The following UBN1 variants were observed in gnomAD, a reference collection of about 807,000 sequenced individuals.
UBN1 encodes the protein ubinuclein 1.
In UBN1, 17 loss-of-function variants were observed where a neutral mutation model predicts 108.5. That is an observed-to-expected ratio of 0.16 (90% confidence interval 0.11 to 0.24). The LOEUF (loss-of-function observed/expected upper bound fraction) is 0.24, where lower values mean the gene tolerates loss of function less well. Ranked by LOEUF, UBN1 falls within the 10% of genes least tolerant of loss-of-function variation. The pLI is 1.00. For synonymous variants in UBN1, 726 were observed against 564.2 expected (o/e 1.29, Z -4.07); for missense variants, 1,595 against 1,394.4 (o/e 1.14, Z -2.29).
chr16:4,878,181 G>C (rs780716592), intron 17 of UBN1, among the ~76,000 whole-genome samples: 8 of 152,136 alleles, frequency 5.3e-5, no homozygotes, highest in Admixed American at 1.3e-4. Flanking sequence ...CATTGAGTGC[G>C]TCTGCCTCAC....
rs2088074127 is a variant in UBN1, at chr16:4,881,476, T to C, written c.*1344T>C. 1.3e-5 allele frequency: 2 copies of C among 152,228 alleles called. No homozygotes were observed. Among genetic ancestry groups the C allele is most frequent in the Non-Finnish European group, 2.9e-5 (2 of 68,052 alleles). 9.4% of individuals were successfully genotyped at this position (152,228 alleles called of 1,614,324 possible). On this transcript the variant is annotated 3_prime_UTR_variant, in exon 18 of 18. Transcript: ENST00000262376. ...TGCCACAAGGTGAGTCTGAACTGAC[T>C]GCTCCAGCTAAGTGATCAGGCACGT...
At chr16:4,871,325 G>A (rs748592207) in intron 12 of UBN1, 24 bp downstream of exon 12, 2 of 1,610,512 alleles carry the variant, frequency 1.2e-6, no homozygotes, top group Non-Finnish European at 1.7e-6. Context: ...GCTGAGATGG[G>A]CATCTGTGCA....
At chr16:4,857,903 G>T in intron 2 of UBN1, 87 bp from the exon 3 acceptor site, 3 of 909,094 alleles carry the variant, frequency 3.3e-6, no homozygotes, top group Non-Finnish European at 3.5e-6. Context: ...TGTTTTTATA[G>T]AGGTATTGAG....
chr16:4,851,867 C>A (rs970227882), intron 1 of UBN1, among the ~76,000 whole-genome samples: 1 of 152,008 alleles, frequency 6.6e-6, no homozygotes, highest in African/African-American at 2.4e-5. Context: ...ATACCTCACT[C>A]TAAGCAACAC....
In UBN1 at chr16:4,847,606, G is replaced by A. The variant is rs2086258141; in HGVS notation, c.-644G>A. The A allele has an allele frequency of 3.1e-6, 1 of 327,230 alleles. No individual in the cohort carries two copies. The highest frequency in any genetic ancestry group is 5.6e-6 in the Non-Finnish European group (1 of 178,814). 20.3% of individuals were successfully genotyped at this position (327,230 alleles called of 1,614,324 possible). A position where few individuals can be genotyped will look rare whatever the true frequency, so the allele number is the denominator to read the frequency against. ...GCCTCGCGGCTCGCCCCGCCCCCGGGTCTTGGACTCCGCGCCCCTCCCCTC... is the reference window on the plus strand; with the variant it reads ...GCCTCGCGGCTCGCCCCGCCCCCGGATCTTGGACTCCGCGCCCCTCCCCTC... On this transcript the variant is annotated 5_prime_UTR_variant, in exon 1 of 18. Coordinates refer to ENST00000262376, the MANE Select transcript of UBN1 (RefSeq NM_001079514.3).
At chr16:4,853,270 G>T in intron 2 of UBN1, 104 bp downstream of exon 2, 1 of 1,470,798 alleles carries the variant, frequency 6.8e-7, no homozygotes, top group Non-Finnish European at 9.1e-7. Context: ...CTGAGGTTTT[G>T]GCTGCCCCAA....
intron 5 of UBN1, 57 bp from the exon 6 acceptor site, chr16:4,859,808 T>C: frequency 6.2e-7 from 1 of 1,609,302 alleles, no homozygotes; most frequent in Non-Finnish European, 8.5e-7. Context: ...TGCCGTGTAG[T>C]GCACTTGCTC....
At position 4,860,951 on chromosome 16, in the gene UBN1, TCAGTGA is replaced by T. The variant is rs1244047304; in HGVS notation, c.960_965del (p.Glu322_Ser323del). 5 of 1,614,238 alleles carry T rather than the reference TCAGTGA, an allele frequency of 3.1e-6. No homozygotes were observed. The highest frequency in any genetic ancestry group is 1.6e-4 in the Middle Eastern group (1 of 6,062). Reference sequence around the variant, plus strand: ...ACGGATTTGGACTTGGAGCATCTGCTCAGTGAGTCTCCAGAAGGAAGTCCCTTCCGA... The same window carrying T: ...ACGGATTTGGACTTGGAGCATCTGCTGTCTCCAGAAGGAAGTCCCTTCCGA... On this transcript the variant is annotated inframe_deletion, in exon 7 of 18. Transcript: ENST00000262376.
intron 8 of UBN1, 101 bp downstream of exon 8, chr16:4,869,004 AAGGTGACC>A: frequency 1.8e-6 from 2 of 1,133,180 alleles, no homozygotes; most frequent in Non-Finnish European, 2.5e-6. Context: ...GAACTGCATA[AAGGTGACC>A]ACCAAGGAGA....
At chr16:4,871,810 T>C (rs1302779887) in intron 12 of UBN1, among the ~76,000 whole-genome samples, 1 of 152,044 alleles carries the variant, frequency 6.6e-6, no homozygotes, top group Non-Finnish European at 1.5e-5. Flanking sequence ...ATGGTCTCAA[T>C]CTCCTGACCT....
Position 4,860,801 on chromosome 16 carries a change from C to G in UBN1, c.809C>G (p.Ala270Gly). 2 of 1,614,268 alleles carry G rather than the reference C, an allele frequency of 1.2e-6. No homozygotes were observed. Among genetic ancestry groups the G allele is most frequent in the Non-Finnish European group, 1.7e-6 (2 of 1,180,044 alleles). The part of the protein sequence containing the change: ...KKREEEHKPV[A>G]VPSAEAQGLR... ...AGGGAGGAGGAGCATAAGCCTGTTGCGGTCCCATCAGCGGAAGCTCAGGGC... is the reference window on the plus strand; with the variant it reads ...AGGGAGGAGGAGCATAAGCCTGTTGGGGTCCCATCAGCGGAAGCTCAGGGC... Residue 270 changes from alanine (A) to glycine (G), a missense_variant, in exon 7 of 18, where the codon GCG (alanine) becomes GGG (glycine). Ala to Gly is a moderately conservative substitution (Grantham distance 60). Around this residue, in one of 3 missense-constraint regions of UBN1, gnomAD observed 1,398 missense variants for 1,194.7 expected, o/e 1.17. Transcript: ENST00000262376.
chr16:4,866,934 C>T (rs777400918), intron 7 of UBN1, among the ~76,000 whole-genome samples: 44 of 152,122 alleles, frequency 2.9e-4, no homozygotes, highest in Non-Finnish European at 5.4e-4. Context: ...GCCAGATAGC[C>T]GGACTTAAGG....
At chr16:4,879,315 CAG>C (rs2088008825) in intron 17 of UBN1, among the ~76,000 whole-genome samples, 1 of 152,050 alleles carries the variant, frequency 6.6e-6, no homozygotes, top group African/African-American at 2.4e-5. Flanking sequence ...TTAAGGCTCT[CAG>C]AGGCTGGATG....
intron 7 of UBN1, among the ~76,000 whole-genome samples, chr16:4,867,689 G>C (rs756845035): frequency 4.6e-5 from 7 of 152,138 alleles, no homozygotes; most frequent in Non-Finnish European, 7.3e-5. Flanking sequence ...ATGGAAAGGA[G>C]CTGGTGGAGG....
At chr16:4,856,820 A>T (rs1027871551) in intron 2 of UBN1, among the ~76,000 whole-genome samples, 2 of 152,248 alleles carry the variant, frequency 1.3e-5, no homozygotes, top group Admixed American at 6.5e-5. Context: ...GCATGTTTGA[A>T]AGACTCCCCA....
chr16:4,874,476 G>C lies in UBN1; in HGVS notation c.2066G>C (p.Gly689Ala). 6.2e-7 allele frequency: 1 copy of C among 1,614,202 alleles called. No individual in the cohort carries two copies. The highest frequency in any genetic ancestry group is 1.1e-5 in the South Asian group (1 of 91,080). Residue 689 changes from glycine (G) to alanine (A), a missense_variant, in exon 15 of 18, where the codon GGG becomes GCG. By Grantham distance (60) the Gly-to-Ala change is moderately conservative. Coordinates refer to ENST00000262376, the MANE Select transcript of UBN1 (RefSeq NM_001079514.3). The part of the protein sequence containing the change: ...ELAALNSRAA[G>A]NSEFTLPAPS... ...GCTGCATTGAATAGCAGAGCAGCTG[G>C]GAACTCTGAATTCACACTGCCTGCA... is the stretch of plus-strand genomic sequence containing the variant.
At chr16:4,873,212 C>A in intron 14 of UBN1, 139 bp downstream of exon 14, 1 of 1,257,402 alleles carries the variant, frequency 8.0e-7, no homozygotes, top group South Asian at 1.3e-5. Flanking sequence ...TTCTTGAAGT[C>A]ATAACAGGAC....
Position 4,875,515 on chromosome 16 carries a change from A to AGAGT in UBN1, c.3024+85_3024+88dup, listed in dbSNP as rs1473481069. 36 of 1,522,640 alleles carry AGAGT rather than the reference A, an allele frequency of 2.4e-5. No homozygotes were observed. In the Admixed American group the frequency reaches 7.5e-4, roughly 32 times the overall value. 94.3% of individuals were successfully genotyped at this position (1,522,640 alleles called of 1,614,324 possible). A position where few individuals can be genotyped will look rare whatever the true frequency, so the allele number is the denominator to read the frequency against. ...AGGTTGCTTGCCTTGCCCCGGGTGG[A>AGAGT]GAGTGAGATCTAAAACCACAGGTCA... On this transcript the variant is annotated intron_variant, in intron 15 of 17. Transcript: ENST00000262376.
Position 4,847,559 on chromosome 16 carries a change from G to T in UBN1, c.-691G>T. 1 of 423,886 alleles carries T rather than the reference G, an allele frequency of 2.4e-6. No individual in the cohort carries two copies. The highest frequency in any genetic ancestry group is 3.0e-5 in the South Asian group (1 of 33,054). 26.3% of individuals were successfully genotyped at this position (423,886 alleles called of 1,614,324 possible). A position where few individuals can be genotyped will look rare whatever the true frequency, so the allele number is the denominator to read the frequency against. The stretch of plus-strand genomic sequence containing the variant: ...CGGCGGCGGCGGCGACGGTGCGACC[G>T]GCTGAGCGCGAGAGGGAGCCGGCCT... On this transcript the variant is annotated 5_prime_UTR_variant, in exon 1 of 18. Transcript: ENST00000262376.
Sources: gnomAD v4.1 joint callset for allele counts (sites outside exome capture counted in the v4.1 genomes callset) on GRCh38, gnomAD v4.1.1 for gene constraint, gnomAD v4.1.1 regional missense constraint, MANE v1.5 for transcripts, NCBI Gene and HGNC (gene_info 2026-07-23, HGNC 2026-07-21) for gene names.